Variants in DPP6 observed in about 807,000 individuals in gnomAD.
DPP6 encodes the protein A-type potassium channel modulatory protein DPP6.
DPP6 carries 69 observed loss-of-function variants against 122.6 expected under a neutral mutation model. The observed-to-expected ratio is 0.56, with a 90% CI of 0.46 to 0.69. The LOEUF is 0.69. Ranked by LOEUF, DPP6 falls within the 30% of genes least tolerant of loss-of-function variation. The pLI is 0.00. For synonymous variants in DPP6, 418 were observed against 433.1 expected, an observed-to-expected ratio of 0.97 and a Z score of 0.43; for missense variants, 928 against 1,116.9, an observed-to-expected ratio of 0.83 and a Z score of 2.41.
chr7:153,781,139 A>G, the DPP6 span, among the ~76,000 whole-genome samples: 2 of 152,216 alleles, frequency 1.3e-5, no homozygotes, highest in Non-Finnish European at 2.9e-5. Context: ...ATGCAGATTA[A>G]TGAATTATCT....
intron 1 of DPP6, among the ~76,000 whole-genome samples, chr7:154,298,135 C>T (rs1805661582): frequency 6.6e-6 from 1 of 152,134 alleles, no homozygotes; most frequent in African/African-American, 2.4e-5. Flanking sequence ...AAGGATTCTG[C>T]CTCCAGACAG....
intron 1 of DPP6, among the ~76,000 whole-genome samples, chr7:154,137,994 T>C (rs2150653617): frequency 6.6e-6 from 1 of 152,294 alleles, no homozygotes; most frequent in East Asian, 1.9e-4. Flanking sequence ...GGGGTCAGGG[T>C]TGGGTCTATC....
intron 1 of DPP6, among the ~76,000 whole-genome samples, chr7:153,954,204 AT>A (rs1194452823): frequency 2.0e-5 from 3 of 152,214 alleles, no homozygotes. Flanking sequence ...TTGGACTATA[AT>A]GTTTGTCTGT....
chr7:154,188,806 G>A (rs1403073344), intron 1 of DPP6, among the ~76,000 whole-genome samples: 3 of 152,124 alleles, frequency 2.0e-5, no homozygotes, highest in Admixed American at 6.5e-5. Context: ...TACATATTTC[G>A]ATAAAAGAAC....
At chr7:153,973,804 A>G (rs1796156367) in intron 1 of DPP6, among the ~76,000 whole-genome samples, 1 of 147,118 alleles carries the variant, frequency 6.8e-6, no homozygotes, top group African/African-American at 2.6e-5. Flanking sequence ...TTAATGTATA[A>G]TGTGTTCAGG....
the DPP6 span, among the ~76,000 whole-genome samples, chr7:153,802,290 G>C: frequency 6.6e-6 from 1 of 152,152 alleles, no homozygotes; most frequent in Non-Finnish European, 1.5e-5. Context: ...GAGGTGAAAA[G>C]AAATAATAGC....
At chr7:153,840,665 C>T in the DPP6 span, among the ~76,000 whole-genome samples, 1 of 152,280 alleles carries the variant, frequency 6.6e-6, no homozygotes, top group African/African-American at 2.4e-5. Flanking sequence ...AAGCTGAAAT[C>T]ACCTGTCGGG....
chr7:153,981,007 A>G (rs1460170419), intron 1 of DPP6, among the ~76,000 whole-genome samples: 2 of 152,200 alleles, frequency 1.3e-5, no homozygotes, highest in Non-Finnish European at 2.9e-5. Context: ...TAGTGCTGAG[A>G]AGAATGTATA....
At chr7:153,754,026 A>G in the DPP6 span, among the ~76,000 whole-genome samples, 1 of 152,210 alleles carries the variant, frequency 6.6e-6, no homozygotes, top group African/African-American at 2.4e-5. Flanking sequence ...GAAGAGTGTC[A>G]GCCTCTACCC....
chr7:153,836,485 T>A, the DPP6 span, among the ~76,000 whole-genome samples: 16 of 152,208 alleles, frequency 1.1e-4, no homozygotes, highest in African/African-American at 2.9e-4. Context: ...TATGCCTCCA[T>A]AAAGGACATT....
chr7:154,502,658 G>A (rs1460590089), intron 3 of DPP6, among the ~76,000 whole-genome samples: 2 of 152,080 alleles, frequency 1.3e-5, no homozygotes, highest in Admixed American at 6.5e-5. Context: ...TTTTAAAATT[G>A]CCCAGTCTCG....
chr7:154,840,090 T>A (rs1445854483), intron 16 of DPP6, among the ~76,000 whole-genome samples: 1 of 152,148 alleles, frequency 6.6e-6, no homozygotes, highest in Non-Finnish European at 1.5e-5. Context: ...TTGCGCTACA[T>A]CCTCGAGTCC....
At chr7:154,892,127 C>A (rs975408387) in intron 25 of DPP6, among the ~76,000 whole-genome samples, 3 of 152,122 alleles carry the variant, frequency 2.0e-5, no homozygotes, top group African/African-American at 7.2e-5. Flanking sequence ...CTAGGGGAGG[C>A]GCCCCTCTGA....
chr7:154,810,809 C>T (rs1239762471), intron 16 of DPP6, among the ~76,000 whole-genome samples: 4 of 152,150 alleles, frequency 2.6e-5, no homozygotes, highest in African/African-American at 9.7e-5. Context: ...TAACCTGGCC[C>T]ATTGGGCACC....
At chr7:154,581,227 G>C (rs1312496170) in intron 5 of DPP6, among the ~76,000 whole-genome samples, 1 of 152,206 alleles carries the variant, frequency 6.6e-6, no homozygotes, top group Non-Finnish European at 1.5e-5. Flanking sequence ...GCAGGAGAAA[G>C]AGCTAAGAAG....
At chr7:153,786,253 TG>T in the DPP6 span, among the ~76,000 whole-genome samples, 19 of 115,620 alleles carry the variant, frequency 1.6e-4, no homozygotes, top group Non-Finnish European at 3.5e-4. Flanking sequence ...CTTCTGTTGG[TG>T]GTTTTAATGA....
At chr7:154,272,155 G>T (rs1414218737) in intron 1 of DPP6, among the ~76,000 whole-genome samples, 1 of 152,204 alleles carries the variant, frequency 6.6e-6, no homozygotes, top group African/African-American at 2.4e-5. Flanking sequence ...ACAGTGCCTT[G>T]AACTGAACTG....
At position 154,755,148 on chromosome 7, in the gene DPP6, T is replaced by TAAAAAAAAAAAAAAAAAA. The variant is rs71803736; in HGVS notation, c.884-14253_884-14252insAAAAAAAAAAAAAAAAAA. 7.6e-6 allele frequency among the ~76,000 whole-genome samples: 1 copy of TAAAAAAAAAAAAAAAAAA among 131,576 alleles called. No individual in the cohort carries two copies. Among genetic ancestry groups the TAAAAAAAAAAAAAAAAAA allele is most frequent in the Admixed American group, 7.6e-5 (1 of 13,146 alleles). The allele number at this position is 131,576 out of a possible 152,430, so 86.3% of individuals were successfully genotyped here. A position where few individuals can be genotyped will look rare whatever the true frequency, so the allele number is the denominator to read the frequency against. The stretch of plus-strand genomic sequence containing the variant: ...TCCCAGAACTTAAAGTAAAATAAAT[T>TAAAAAAAAAAAAAAAAAA]AAAAAAAAAAAAAAAAGAAACTGAA... On this transcript the variant is annotated intron_variant, in intron 8 of 25. Transcript: ENST00000377770. The surrounding 1 kb of genome is among the most constrained non-coding windows in gnomAD (Gnocchi z 4.7).
Position 154,282,408 on chromosome 7 carries a change from G to A in DPP6, c.244-163806G>A, listed in dbSNP as rs1323339996. ...CTGAGCAGAGGCAGCCGTACCTGGG[G>A]TGCTGATTAGCACTGTGCAATGTAC... On this transcript the variant is annotated intron_variant, in intron 1 of 25. Transcript: ENST00000377770. The surrounding 1 kb of genome is among the most constrained non-coding windows in gnomAD (Gnocchi z 4.8). 6.6e-6 allele frequency among the ~76,000 whole-genome samples: 1 copy of A among 152,176 alleles called. No individual in the cohort carries two copies. The highest frequency in any genetic ancestry group is 1.5e-5 in the Non-Finnish European group (1 of 68,028).
Sources: gnomAD v4.1 joint callset for allele counts (sites outside exome capture counted in the v4.1 genomes callset) on GRCh38, gnomAD v4.1.1 for gene constraint, Gnocchi (gnomAD v3.1) non-coding constraint, MANE v1.5 for transcripts, NCBI Gene and HGNC (gene_info 2026-07-23, HGNC 2026-07-21) for gene names.